Variants in MAP3K4 observed in about 807,000 individuals in gnomAD.
The protein encoded by MAP3K4 is MAP three kinase 1.
MAP3K4 carries 67 observed loss-of-function variants against 185.6 expected under a neutral mutation model. The observed-to-expected ratio is 0.36, with a 90% CI of 0.30 to 0.44. The LOEUF is 0.44. Among genes scored for constraint, MAP3K4 ranks in the 20% least tolerant of loss-of-function variants. The probability of loss-of-function intolerance (pLI) is 1.00; values close to 1 mark genes in which losing one functional copy is unlikely to be tolerated. For synonymous variants in MAP3K4, 702 were observed against 710.4 expected, an observed-to-expected ratio of 0.99 and a Z score of 0.19; for missense variants, 1,551 against 1,995.1, an observed-to-expected ratio of 0.78 and a Z score of 4.24.
chr6:161,069,880 G>A (rs1049325335), intron 3 of MAP3K4, among the ~76,000 whole-genome samples: 1 of 152,038 alleles, frequency 6.6e-6, no homozygotes, highest in African/African-American at 2.4e-5. Context: ...GGGGAGCCAG[G>A]GAGGAGTGAC....
At chr6:161,052,435 C>A (rs1784047234) in intron 3 of MAP3K4, among the ~76,000 whole-genome samples, 2 of 152,108 alleles carry the variant, frequency 1.3e-5, no homozygotes. Flanking sequence ...AACACGAATT[C>A]AAAGTTTATA....
intron 25 of MAP3K4, among the ~76,000 whole-genome samples, chr6:161,113,557 GT>G (rs1354376762): frequency 1.3e-5 from 2 of 151,954 alleles, no homozygotes; most frequent in African/African-American, 2.4e-5. Context: ...TGGTTCATCA[GT>G]TCTAAAAAAT....
chr6:161,050,974 A>G (rs1257775143), intron 3 of MAP3K4, among the ~76,000 whole-genome samples: 3 of 152,234 alleles, frequency 2.0e-5, no homozygotes, highest in Non-Finnish European at 4.4e-5. Context: ...ATACAAAATG[A>G]TGCAGTATTT....
At chr6:161,113,627 A>G (rs1012136068) in intron 25 of MAP3K4, among the ~76,000 whole-genome samples, 1 of 152,106 alleles carries the variant, frequency 6.6e-6, no homozygotes, top group Non-Finnish European at 1.5e-5. Context: ...GGAGGGGGAT[A>G]TGGGAAGTCT....
At chr6:161,011,440 G>C (rs1781839098) in intron 1 of MAP3K4, among the ~76,000 whole-genome samples, 1 of 152,002 alleles carries the variant, frequency 6.6e-6, no homozygotes, top group Non-Finnish European at 1.5e-5. Flanking sequence ...GTCTCGTATT[G>C]GTTGCCTTTC....
intron 1 of MAP3K4, among the ~76,000 whole-genome samples, chr6:161,013,857 G>A (rs1479110830): frequency 6.6e-6 from 1 of 152,184 alleles, no homozygotes; most frequent in African/African-American, 2.4e-5. Flanking sequence ...GTGGAAAGGG[G>A]CAGTAACTCC....
chr6:161,041,648 T>C (rs1783458018), intron 2 of MAP3K4, among the ~76,000 whole-genome samples: 1 of 152,194 alleles, frequency 6.6e-6, no homozygotes, highest in Non-Finnish European at 1.5e-5. Context: ...GCCTCGGACA[T>C]GGCCCCCAGG....
Position 161,116,976 on chromosome 6 carries a change from G to C in MAP3K4, c.*106G>C. ...AGTATAAGCCTTTTTAACCTTCCAAGACTGAAGACTGCACAGGTGACAAGC... is the reference window on the plus strand; with the variant it reads ...AGTATAAGCCTTTTTAACCTTCCAACACTGAAGACTGCACAGGTGACAAGC... On this transcript the variant is annotated 3_prime_UTR_variant, in exon 27 of 27. Transcript: ENST00000392142. This position sits in a 1 kb window ranked among gnomAD's most constrained non-coding sequence, Gnocchi z 6.2. The C allele has an allele frequency of 9.9e-7, 1 of 1,012,660 alleles. No individual in the cohort carries two copies. Among genetic ancestry groups the C allele is most frequent in the East Asian group, 2.4e-5 (1 of 41,906 alleles). 62.7% of individuals were successfully genotyped at this position (1,012,660 alleles called of 1,614,324 possible).
At chr6:161,083,547 A>G (rs1231297728) in intron 6 of MAP3K4, among the ~76,000 whole-genome samples, 2 of 152,196 alleles carry the variant, frequency 1.3e-5, no homozygotes, top group African/African-American at 4.8e-5. Flanking sequence ...CCTCCACAGC[A>G]TGGCCGCAGG....
rs77761030 is a variant in MAP3K4 at position 161,070,426 on chromosome 6, G to T, written c.1708-182G>T. Among the ~76,000 whole-genome samples the T allele has an allele frequency of 6.6e-6, 1 of 151,974 alleles. No homozygotes were observed. The highest frequency in any genetic ancestry group is 2.1e-4 in the South Asian group (1 of 4,806). ...TTTCCAGCATTCTTAGAACTTTTTG[G>T]ATCTATGTTGAAAATGTTGAAGTTA... On this transcript the variant is annotated intron_variant, in intron 3 of 26. Transcript: ENST00000392142. This position sits in a 1 kb window ranked among gnomAD's most constrained non-coding sequence, Gnocchi z 4.5.
intron 1 of MAP3K4, among the ~76,000 whole-genome samples, chr6:160,999,792 G>A (rs1464955793): frequency 2.0e-5 from 3 of 152,168 alleles, no homozygotes; most frequent in African/African-American, 4.8e-5. Context: ...CTTGGCAACC[G>A]TGAAATGCTG....
chr6:161,115,427 A>C lies in MAP3K4; in HGVS notation c.4806+125A>C. 1 of 883,886 alleles carries C rather than the reference A, an allele frequency of 1.1e-6. No individual in the cohort carries two copies. Among genetic ancestry groups the C allele is most frequent in the South Asian group, 2.1e-5 (1 of 48,022 alleles). 54.8% of individuals were successfully genotyped at this position (883,886 alleles called of 1,614,324 possible). ...TCTGAAGTGGAAAGGAACTAAATGT[A>C]TTATTATGCCAGGGATTTTTGTATG... On this transcript the variant is annotated intron_variant, in intron 26 of 26. Transcript: ENST00000392142. The surrounding 1 kb of genome is among the most constrained non-coding windows in gnomAD (Gnocchi z 6.0).
At chr6:161,000,373 C>T (rs11966350) in intron 1 of MAP3K4, among the ~76,000 whole-genome samples, 1 of 152,106 alleles carries the variant, frequency 6.6e-6, no homozygotes, top group African/African-American at 2.4e-5. Flanking sequence ...TATTTGTCTA[C>T]TAAATGATCA....
chr6:161,098,900 A>C lies in MAP3K4; in HGVS notation c.3674+473A>C, dbSNP rs1291605528. Among the ~76,000 whole-genome samples the C allele has an allele frequency of 6.6e-6, 1 of 152,226 alleles. No individual in the cohort carries two copies. The highest frequency in any genetic ancestry group is 1.9e-4 in the East Asian group (1 of 5,194). ...TAGAAGTAGTTTATAGAAGTGGAAA[A>C]ATGAGTTCATGGGGTTTGTATGTCA... On this transcript the variant is annotated intron_variant, in intron 17 of 26. Coordinates refer to ENST00000392142, the MANE Select transcript of MAP3K4 (RefSeq NM_005922.4). The surrounding 1 kb of genome is among the most constrained non-coding windows in gnomAD (Gnocchi z 4.4).
intron 1 of MAP3K4, among the ~76,000 whole-genome samples, chr6:161,027,755 TAACA>T (rs1325393315): frequency 6.6e-6 from 1 of 152,220 alleles, no homozygotes; most frequent in Non-Finnish European, 1.5e-5. Flanking sequence ...TATTACAGTT[TAACA>T]AACCATACCA....
chr6:161,100,846 C>T lies in MAP3K4; in HGVS notation c.3675-1046C>T, dbSNP rs1251045052. ...ACTTCAACACCAGTGGTTTTCCCGTCAGATAGTGCCGAATTTTTTATGAAC... is the reference window on the plus strand; with the variant it reads ...ACTTCAACACCAGTGGTTTTCCCGTTAGATAGTGCCGAATTTTTTATGAAC... On this transcript the variant is annotated intron_variant, in intron 17 of 26. Coordinates refer to ENST00000392142, the MANE Select transcript of MAP3K4 (RefSeq NM_005922.4). The surrounding 1 kb of genome is among the most constrained non-coding windows in gnomAD (Gnocchi z 5.8). Among the ~76,000 whole-genome samples the T allele has an allele frequency of 1.3e-5, 2 of 152,102 alleles. No homozygotes were observed. Among genetic ancestry groups the T allele is most frequent in the Non-Finnish European group, 2.9e-5 (2 of 68,018 alleles).
chr6:161,091,371 C>G lies in MAP3K4; in HGVS notation c.2974-8C>G, dbSNP rs1274419915. On this transcript the variant is annotated splice_region_variant and splice_polypyrimidine_tract_variant and intron_variant, in intron 11 of 26. Transcript: ENST00000392142. This position sits in a 1 kb window ranked among gnomAD's most constrained non-coding sequence, Gnocchi z 5.5. ...CATTTTGCATTAATCATGGTTTGGA[C>G]TCTTCAGAATGATGCATTGGAGCTA... 3 of 1,607,426 alleles carry G rather than the reference C, an allele frequency of 1.9e-6. No individual in the cohort carries two copies. The highest frequency in any genetic ancestry group is 2.5e-6 in the Non-Finnish European group (3 of 1,176,946).
chr6:161,102,788 A>G lies in MAP3K4; in HGVS notation c.3856+9A>G, dbSNP rs1052576264. On this transcript the variant is annotated intron_variant, in intron 19 of 26. Transcript: ENST00000392142. ...AATCAGCCAGAGTAAAGGTGAGAGAAAGAGTGTTGAAGTTAAAAAAAAAAA... is the reference window on the plus strand; with the variant it reads ...AATCAGCCAGAGTAAAGGTGAGAGAGAGAGTGTTGAAGTTAAAAAAAAAAA... 1 of 1,425,678 alleles carries G rather than the reference A, an allele frequency of 7.0e-7. No homozygotes were observed. Among genetic ancestry groups the G allele is most frequent in the Non-Finnish European group, 9.5e-7 (1 of 1,057,032 alleles). The allele number at this position is 1,425,678 out of a possible 1,614,324, so 88.3% of individuals were successfully genotyped here.
At chr6:161,012,474 A>G (rs1473889415) in intron 1 of MAP3K4, among the ~76,000 whole-genome samples, 1 of 152,216 alleles carries the variant, frequency 6.6e-6, no homozygotes, top group African/African-American at 2.4e-5. Context: ...AGAAATTATA[A>G]TTCATGGTCT....
Sources: allele counts gnomAD v4.1 joint callset (sites outside exome capture counted in the v4.1 genomes callset), GRCh38; gene constraint gnomAD v4.1.1; non-coding constraint Gnocchi (gnomAD v3.1); transcripts MANE v1.5; gene names NCBI Gene and HGNC (gene_info 2026-07-23, HGNC 2026-07-21).